Variants in ANKIB1 observed in about 807,000 individuals in gnomAD.
The protein encoded by ANKIB1 is ankyrin repeat and IBR domain-containing protein 1.
ANKIB1 carries 43 observed loss-of-function variants against 122.1 expected under a neutral mutation model. That is an observed-to-expected ratio of 0.35 (90% confidence interval 0.28 to 0.45). The LOEUF is 0.45. Ranked by LOEUF, ANKIB1 falls within the 20% of genes least tolerant of loss-of-function variation. ANKIB1 has a pLI of 1.00. For missense variants in ANKIB1, 992 were observed against 1,329.5 expected, an observed-to-expected ratio of 0.75 and a Z score of 3.95; for synonymous variants, 390 against 442.0, an observed-to-expected ratio of 0.88 and a Z score of 1.48.
intron 1 of ANKIB1, among the ~76,000 whole-genome samples, chr7:92,288,648 C>T (rs1162225446): frequency 2.0e-5 from 3 of 152,150 alleles, no homozygotes; most frequent in Non-Finnish European, 4.4e-5. Context: ...CTTTTTATAG[C>T]ATCTATATGG....
intron 1 of ANKIB1, among the ~76,000 whole-genome samples, chr7:92,270,928 T>A (rs1049940856): frequency 4.6e-5 from 7 of 151,996 alleles, no homozygotes; most frequent in African/African-American, 1.7e-4. Flanking sequence ...TTAATGACAG[T>A]CTCTTTTGCA....
intron 7 of ANKIB1, among the ~76,000 whole-genome samples, chr7:92,346,162 C>G (rs1003182347): frequency 6.6e-6 from 1 of 151,844 alleles, no homozygotes; most frequent in African/African-American, 2.4e-5. Context: ...GGGTCTCACT[C>G]TGTCACCCAG....
intron 10 of ANKIB1, among the ~76,000 whole-genome samples, chr7:92,370,032 A>T (rs1357499684): frequency 6.6e-6 from 1 of 152,176 alleles, no homozygotes; most frequent in African/African-American, 2.4e-5. Flanking sequence ...TTGATTAGGG[A>T]TGGAGGGTGA....
chr7:92,261,695 A>AT (rs1801568919), intron 1 of ANKIB1, among the ~76,000 whole-genome samples: 1 of 152,052 alleles, frequency 6.6e-6, no homozygotes, highest in African/African-American at 2.4e-5. Context: ...TCATTTTAGT[A>AT]TTTTTGTGTA....
intron 1 of ANKIB1, among the ~76,000 whole-genome samples, chr7:92,279,743 C>T (rs1801979628): frequency 6.6e-6 from 1 of 152,168 alleles, no homozygotes. Flanking sequence ...TTAGTCTTTG[C>T]AGCAAGAAAG....
At chr7:92,373,944 G>C (rs1311570618) in intron 11 of ANKIB1, among the ~76,000 whole-genome samples, 1 of 151,974 alleles carries the variant, frequency 6.6e-6, no homozygotes, top group East Asian at 1.9e-4. Context: ...CTGTATAACT[G>C]TATGCTATAA....
At chr7:92,386,325 A>G (rs1372062889) in intron 11 of ANKIB1, among the ~76,000 whole-genome samples, 184 bp from the exon 12 acceptor site, 1 of 152,202 alleles carries the variant, frequency 6.6e-6, no homozygotes, top group African/African-American at 2.4e-5. Context: ...CTACCCCCAC[A>G]TCTTTCCATA....
At chr7:92,261,820 T>C (rs1220592985) in intron 1 of ANKIB1, among the ~76,000 whole-genome samples, 2 of 152,154 alleles carry the variant, frequency 1.3e-5, no homozygotes, top group South Asian at 2.1e-4. Context: ...GCTTCAGATA[T>C]TTCATTTCAG....
intron 1 of ANKIB1, among the ~76,000 whole-genome samples, chr7:92,269,161 T>A (rs990581541): frequency 1.3e-5 from 2 of 152,186 alleles, no homozygotes; most frequent in East Asian, 3.9e-4. Flanking sequence ...ATCTCTTTTG[T>A]AATAGCATGT....
At chr7:92,372,312 T>C (rs1804286400) in intron 11 of ANKIB1, among the ~76,000 whole-genome samples, 1 of 152,136 alleles carries the variant, frequency 6.6e-6, no homozygotes, top group African/African-American at 2.4e-5. Flanking sequence ...AGCATGTACA[T>C]TGTAAGATAC....
chr7:92,286,062 A>G (rs964635267), intron 1 of ANKIB1, among the ~76,000 whole-genome samples: 1 of 152,200 alleles, frequency 6.6e-6, no homozygotes, highest in African/African-American at 2.4e-5. Context: ...ATATGGTCAG[A>G]TCTTGAACCC....
At chr7:92,278,825 C>G (rs1801957188) in intron 1 of ANKIB1, among the ~76,000 whole-genome samples, 1 of 152,180 alleles carries the variant, frequency 6.6e-6, no homozygotes, top group Non-Finnish European at 1.5e-5. Flanking sequence ...CTTTAGTAAT[C>G]AAACTGTCCC....
chr7:92,385,617 A>G (rs763504761), intron 11 of ANKIB1, among the ~76,000 whole-genome samples: 3 of 152,210 alleles, frequency 2.0e-5, no homozygotes, highest in Non-Finnish European at 4.4e-5. Context: ...TATTCTGAGC[A>G]AACTATCACA....
In ANKIB1 at chr7:92,381,106, G is replaced by A. The variant is rs539962424; in HGVS notation, c.1618-5403G>A. ...AACCATGGCACGAGAACTATGTGAC[G>A]CATGCATAAGCTTCAAGTGGAAGAA... On this transcript the variant is annotated intron_variant, in intron 11 of 19. Coordinates refer to ENST00000265742, the MANE Select transcript of ANKIB1 (RefSeq NM_019004.2). Among the ~76,000 whole-genome samples the A allele has an allele frequency of 1.2e-3, 181 of 152,182 alleles. 1 individual carries two copies. The highest frequency in any genetic ancestry group is 4.1e-3 in the African/African-American group (171 of 41,522).
chr7:92,257,079 A>G (rs758905097), intron 1 of ANKIB1, among the ~76,000 whole-genome samples: 13 of 151,878 alleles, frequency 8.6e-5, no homozygotes, highest in Non-Finnish European at 1.5e-4. Flanking sequence ...AATTCTAACT[A>G]CTCAGGAGTC....
chr7:92,386,849 T>C (rs1003834257), intron 12 of ANKIB1, among the ~76,000 whole-genome samples: 4 of 152,146 alleles, frequency 2.6e-5, no homozygotes, highest in Admixed American at 2.6e-4. Context: ...GGTGGAGATC[T>C]GTATGAAAAG....
At chr7:92,351,131 A>C (rs1196893483) in intron 8 of ANKIB1, 37 bp downstream of exon 8, 1 of 1,415,032 alleles carries the variant, frequency 7.1e-7, no homozygotes. Context: ...CAATTTCCAT[A>C]ATTTTGATTT....
At position 92,398,455 on chromosome 7, in the gene ANKIB1, G is replaced by C. The variant is rs752507458; in HGVS notation, c.2776G>C (p.Gly926Arg). 6.2e-7 allele frequency: 1 copy of C among 1,613,904 alleles called. No homozygotes were observed. Among genetic ancestry groups the C allele is most frequent in the South Asian group, 1.1e-5 (1 of 91,076 alleles). Residue 926 changes from glycine to arginine, a missense_variant, in exon 20 of 20, where the codon GGA (glycine) becomes CGA (arginine). This residue lies in a region of ANKIB1 where 384 missense variants were observed against 412.0 expected (regional missense o/e 0.93). Coordinates refer to ENST00000265742, the MANE Select transcript of ANKIB1 (RefSeq NM_019004.2). ...ACTTGGTGACAGCCTCATGAGACTA[G>C]GAGCAGAGAATGACCCATTTTCAAC... Reference protein sequence around the residue: ...LELGDSLMRLGAENDPFSTDT... With the variant: ...LELGDSLMRLRAENDPFSTDT...
At chr7:92,267,179 G>T (rs1018075957) in intron 1 of ANKIB1, among the ~76,000 whole-genome samples, 1 of 152,230 alleles carries the variant, frequency 6.6e-6, no homozygotes, top group Admixed American at 6.5e-5. Flanking sequence ...GTAGCTACGT[G>T]TGGGATATTT....
Sources: gnomAD v4.1 joint callset for allele counts (sites outside exome capture counted in the v4.1 genomes callset) on GRCh38, gnomAD v4.1.1 for gene constraint, gnomAD v4.1.1 regional missense constraint, MANE v1.5 for transcripts, NCBI Gene and HGNC (gene_info 2026-07-23, HGNC 2026-07-21) for gene names.